CHD9: variants seen among roughly 807,000 people sequenced by gnomAD.
The protein encoded by CHD9 is ATP-dependent chromatin remodeler CHD9.
In CHD9, 77 loss-of-function variants were observed where a neutral mutation model predicts 316.1. The observed-to-expected ratio is 0.24, with a 90% CI of 0.20 to 0.29. CHD9 has a LOEUF of 0.29. Ranked by LOEUF, CHD9 falls within the 10% of genes least tolerant of loss-of-function variation. The pLI, the probability that CHD9 is intolerant of heterozygous loss-of-function variation, is 1.00. For missense variants in CHD9, 2,763 were observed against 3,438.1 expected (o/e 0.80, Z 4.91); for synonymous variants, 1,129 against 1,158.3 (o/e 0.97, Z 0.51).
intron 2 of CHD9, among the ~76,000 whole-genome samples, chr16:53,167,100 T>TA (rs1184657328): frequency 2.6e-5 from 4 of 152,206 alleles, no homozygotes; most frequent in Non-Finnish European, 5.9e-5. Flanking sequence ...TATGGACAGA[T>TA]ACATATTTAA....
intron 1 of CHD9, among the ~76,000 whole-genome samples, chr16:53,084,529 G>A (rs2035295039): frequency 6.6e-6 from 1 of 152,210 alleles, no homozygotes; most frequent in African/African-American, 2.4e-5. Flanking sequence ...TGGATCATGA[G>A]GTCAGGAGAT....
chr16:53,281,527 A>G (rs2153033770), intron 24 of CHD9, among the ~76,000 whole-genome samples: 1 of 152,230 alleles, frequency 6.6e-6, no homozygotes, highest in Middle Eastern at 3.4e-3. Flanking sequence ...TGTCCTTCAC[A>G]CAGCAGCCAG....
intron 2 of CHD9, 45 bp from the exon 3 acceptor site, chr16:53,209,437 G>T: frequency 8.0e-7 from 1 of 1,246,066 alleles, no homozygotes; most frequent in Non-Finnish European, 1.1e-6. Flanking sequence ...AATTGTTTTA[G>T]ATGTACTTTG....
intron 1 of CHD9, among the ~76,000 whole-genome samples, chr16:53,077,418 G>C (rs1285690113): frequency 2.0e-5 from 3 of 151,854 alleles, no homozygotes; most frequent in Non-Finnish European, 4.4e-5. Flanking sequence ...CTGCCTTCTG[G>C]GTTCATGCCA....
intron 22 of CHD9, among the ~76,000 whole-genome samples, chr16:53,271,406 T>G (rs2052248346): frequency 6.6e-6 from 1 of 151,700 alleles, no homozygotes; most frequent in South Asian, 2.1e-4. Flanking sequence ...CCGTCTCTAC[T>G]AAAAATACAA....
chr16:53,132,415 T>G (rs1156723529), intron 1 of CHD9, among the ~76,000 whole-genome samples: 1 of 152,200 alleles, frequency 6.6e-6, no homozygotes, highest in Non-Finnish European at 1.5e-5. Flanking sequence ...CTTAACCAGC[T>G]ATGATCTTAA....
chr16:53,270,161 A>ATTTTTTTTTTTTTT (rs757513307), intron 22 of CHD9, among the ~76,000 whole-genome samples: 1 of 118,610 alleles, frequency 8.4e-6, no homozygotes, highest in Non-Finnish European at 1.7e-5. Context: ...CACCTGGCTA[A>ATTTTTTTTTTTTTT]TTTTTTTTTT....
At chr16:53,227,236 T>C (rs937598206) in intron 5 of CHD9, 160 bp from the exon 6 acceptor site, 2 of 530,420 alleles carry the variant, frequency 3.8e-6, no homozygotes, top group East Asian at 3.9e-5. Flanking sequence ...GACAATGATA[T>C]ATTTTTTTCA....
intron 17 of CHD9, among the ~76,000 whole-genome samples, chr16:53,251,686 T>A (rs1309440543): frequency 6.6e-6 from 1 of 152,218 alleles, no homozygotes. Flanking sequence ...CTGTAGAATA[T>A]TTGGAGTCAA....
In CHD9 at chr16:53,303,965, C is replaced by A. The variant is rs2055686140; in HGVS notation, c.5959C>A (p.Leu1987Ile). ...GGTGAGCCGAACAGACTATCACATTCTTCGTGATCCTGAACTCTCATTTAT... is the reference window on the plus strand; with the variant it reads ...GGTGAGCCGAACAGACTATCACATTATTCGTGATCCTGAACTCTCATTTAT... The part of the protein sequence containing the change: ...HGVSRTDYHI[L>I]RDPELSFMAA... The change falls in exon 31 of 39, where the codon CTT becomes ATT. Residue 1987 changes from leucine to isoleucine, a missense_variant. Leu to Ile is a conservative substitution (Grantham distance 5). Transcript: ENST00000447540. The A allele has an allele frequency of 1.2e-6, 2 of 1,614,024 alleles. No individual in the cohort carries two copies. The highest frequency in any genetic ancestry group is 1.7e-6 in the Non-Finnish European group (2 of 1,179,894).
intron 1 of CHD9, among the ~76,000 whole-genome samples, chr16:53,118,902 C>A (rs2038525424): frequency 6.6e-6 from 1 of 151,250 alleles, no homozygotes; most frequent in African/African-American, 2.4e-5. Flanking sequence ...AAGCAATTCT[C>A]CTGCCTCACC....
intron 24 of CHD9, among the ~76,000 whole-genome samples, chr16:53,279,117 C>T (rs1000657775): frequency 1.3e-5 from 2 of 152,140 alleles, no homozygotes; most frequent in African/African-American, 4.8e-5. Flanking sequence ...CCCAAATGTC[C>T]ATCAGTGATA....
intron 1 of CHD9, among the ~76,000 whole-genome samples, chr16:53,139,037 A>T (rs887609086): frequency 2.0e-5 from 3 of 150,032 alleles, no homozygotes; most frequent in African/African-American, 4.9e-5. Flanking sequence ...GCTAGATGGA[A>T]TTTTTTTTTT....
intron 24 of CHD9, among the ~76,000 whole-genome samples, chr16:53,279,133 GA>G (rs1400370914): frequency 6.6e-6 from 1 of 152,140 alleles, no homozygotes; most frequent in Non-Finnish European, 1.5e-5. Flanking sequence ...TGATAGATTG[GA>G]TTAAGAAAAT....
chr16:53,200,933 T>C (rs1030043336), intron 2 of CHD9, among the ~76,000 whole-genome samples: 2 of 152,200 alleles, frequency 1.3e-5, no homozygotes, highest in African/African-American at 4.8e-5. Context: ...TCTCAGTATT[T>C]GTATGCCTGA....
At position 53,157,361 on chromosome 16, in the gene CHD9, A is replaced by G. The variant is rs765510260; in HGVS notation, c.1272A>G (p.Gly424=). 6.2e-7 allele frequency: 1 copy of G among 1,614,002 alleles called. No individual in the cohort carries two copies. The highest frequency in any genetic ancestry group is 8.5e-7 in the Non-Finnish European group (1 of 1,179,870). ...LLPHFDESTF[G]QDNSSHILDH... is the part of the protein sequence containing the mutation. ...CTCACTTTGATGAGTCAACATTCGG[A>G]CAAGATAATTCAAGTCACATTTTAG... Residue 424 remains glycine, a synonymous_variant, in exon 2 of 39, where the codon GGA becomes GGG. Transcript: ENST00000447540.
intron 1 of CHD9, among the ~76,000 whole-genome samples, chr16:53,128,308 G>A (rs570777978): frequency 5.0e-4 from 76 of 152,180 alleles, no homozygotes; most frequent in Middle Eastern, 3.4e-3. Flanking sequence ...TCAGCCTCCC[G>A]AGTAGCTGGG....
chr16:53,224,971 A>G (rs1038211002), intron 4 of CHD9, among the ~76,000 whole-genome samples: 1 of 152,160 alleles, frequency 6.6e-6, no homozygotes, highest in Non-Finnish European at 1.5e-5. Flanking sequence ...GAGGTTTGAA[A>G]TGTCAATGTC....
chr16:53,282,961 T>C (rs1380040028), intron 24 of CHD9, among the ~76,000 whole-genome samples: 4 of 152,168 alleles, frequency 2.6e-5, no homozygotes, highest in Non-Finnish European at 1.5e-5. Flanking sequence ...GCTTCAATTT[T>C]TGTCTCTATG....
Sources: allele counts gnomAD v4.1 joint callset (sites outside exome capture counted in the v4.1 genomes callset), GRCh38; gene constraint gnomAD v4.1.1; transcripts MANE v1.5; gene names NCBI Gene and HGNC (gene_info 2026-07-23, HGNC 2026-07-21).